The following QTGAL variants were observed in gnomAD, a reference collection of about 807,000 sequenced individuals.
The protein encoded by QTGAL is BGnT-like protein 1.
At chr17:83,034,678 C>T in the QTGAL span, among the ~76,000 whole-genome samples, 1 of 152,158 alleles carries the variant, frequency 6.6e-6, no homozygotes, top group Non-Finnish European at 1.5e-5. Flanking sequence ...CACTGAATCA[C>T]GGGGGCGGGC....
the QTGAL span, among the ~76,000 whole-genome samples, chr17:82,977,018 TGGCCCCAGGC>T: frequency 6.6e-6 from 1 of 152,120 alleles, no homozygotes; most frequent in African/African-American, 2.4e-5. Flanking sequence ...GGGCCCCAGG[TGGCCCCAGGC>T]AGGGAGGCCG....
chr17:82,981,966 C>T, the QTGAL span, among the ~76,000 whole-genome samples: 58 of 152,368 alleles, frequency 3.8e-4, no homozygotes, highest in Non-Finnish European at 8.1e-4. Flanking sequence ...GGAAGTGGAT[C>T]ATCACAAAGG....
chr17:82,947,232 C>G, the QTGAL span: 3 of 502,630 alleles, frequency 6.0e-6, no homozygotes, highest in South Asian at 9.2e-5. Flanking sequence ...TGCCTCTCTA[C>G]ATAAGGTGGC....
the QTGAL span, among the ~76,000 whole-genome samples, chr17:82,950,858 C>T: frequency 6.6e-6 from 1 of 152,208 alleles, no homozygotes; most frequent in South Asian, 2.1e-4. Flanking sequence ...TTCCATCAAC[C>T]GTGCTGTGCA....
At chr17:83,023,423 A>G in the QTGAL span, among the ~76,000 whole-genome samples, 1 of 148,660 alleles carries the variant, frequency 6.7e-6, no homozygotes, top group African/African-American at 2.4e-5. Context: ...CTAAAGTTGC[A>G]GCAGATTCTA....
chr17:83,012,306 G>A, the QTGAL span, among the ~76,000 whole-genome samples: 4 of 152,114 alleles, frequency 2.6e-5, no homozygotes, highest in East Asian at 1.9e-4. Flanking sequence ...CTCCCAGCTC[G>A]TTTGAACACA....
the QTGAL span, among the ~76,000 whole-genome samples, chr17:82,966,946 G>A: frequency 5.3e-5 from 8 of 152,178 alleles, no homozygotes; most frequent in African/African-American, 1.4e-4. Flanking sequence ...TACGTTCGGC[G>A]AACACTAAGT....
At chr17:82,980,439 C>G in the QTGAL span, among the ~76,000 whole-genome samples, 20 of 152,140 alleles carry the variant, frequency 1.3e-4, no homozygotes, top group Non-Finnish European at 2.8e-4. Flanking sequence ...CAGACCCCCC[C>G]AGGTGAGGGC....
chr17:82,985,733 G>C, the QTGAL span, among the ~76,000 whole-genome samples: 1 of 152,196 alleles, frequency 6.6e-6, no homozygotes, highest in Non-Finnish European at 1.5e-5. Flanking sequence ...CAGGAGCCCA[G>C]GGTTGATCGG....
chr17:83,040,438 A>C, the QTGAL span, among the ~76,000 whole-genome samples: 1 of 152,204 alleles, frequency 6.6e-6, no homozygotes, highest in Non-Finnish European at 1.5e-5. Context: ...ATTACAATCA[A>C]AGCTAAGAAC....
At chr17:83,048,020 CTT>C in the QTGAL span, among the ~76,000 whole-genome samples, 5 of 143,026 alleles carry the variant, frequency 3.5e-5, no homozygotes, top group South Asian at 2.2e-4. Context: ...TCCTTCCTCT[CTT>C]TCTCTCTCTC....
chr17:82,985,389 G>C, the QTGAL span, among the ~76,000 whole-genome samples: 1 of 152,196 alleles, frequency 6.6e-6, no homozygotes, highest in Non-Finnish European at 1.5e-5. Context: ...CTGAGAAATG[G>C]TTTAAATGAG....
chr17:83,032,556 C>CTGAACAACGGGTCAGA, the QTGAL span, among the ~76,000 whole-genome samples: 3 of 151,210 alleles, frequency 2.0e-5, no homozygotes, highest in Admixed American at 6.6e-5. Context: ...AGCTCAGGGG[C>CTGAACAACGGGTCAGA]CCAGCACACC....
At chr17:83,031,795 G>C in the QTGAL span, among the ~76,000 whole-genome samples, 2 of 152,244 alleles carry the variant, frequency 1.3e-5, no homozygotes, top group Non-Finnish European at 2.9e-5. Flanking sequence ...GCCAACGCTA[G>C]AGGTCAGGAA....
chr17:82,964,854 C>T, the QTGAL span, among the ~76,000 whole-genome samples: 18 of 73,474 alleles, frequency 2.4e-4, 1 homozygote, highest in African/African-American at 7.6e-4. Flanking sequence ...GGGACACGGA[C>T]GCCTGCAGGT....
the QTGAL span, chr17:83,048,555 T>C: frequency 6.2e-7 from 1 of 1,614,022 alleles, no homozygotes; most frequent in Non-Finnish European, 8.5e-7. Flanking sequence ...TTTTCAATGA[T>C]AGCCCCAGAC....
chr17:82,990,480 A>C, the QTGAL span, among the ~76,000 whole-genome samples: 1 of 152,290 alleles, frequency 6.6e-6, no homozygotes, highest in Non-Finnish European at 1.5e-5. Flanking sequence ...CACGTGGCCA[A>C]GCCACTCATC....
At chr17:82,961,685 G>A in the QTGAL span, among the ~76,000 whole-genome samples, 18 of 152,352 alleles carry the variant, frequency 1.2e-4, no homozygotes, top group African/African-American at 3.4e-4. Context: ...AGGCAGCCCC[G>A]GGCCTGTGCC....
At chr17:83,008,956 C>G in the QTGAL span, among the ~76,000 whole-genome samples, 1 of 152,172 alleles carries the variant, frequency 6.6e-6, no homozygotes, top group Non-Finnish European at 1.5e-5. Context: ...TCCTGACCCA[C>G]AAAGACGGAA....
Sources: gnomAD v4.1 joint callset for allele counts (sites outside exome capture counted in the v4.1 genomes callset) on GRCh38, gnomAD v4.1.1 for gene constraint, MANE v1.5 for transcripts, NCBI Gene and HGNC (gene_info 2026-07-23, HGNC 2026-07-21) for gene names.